NXPH1: variants seen among roughly 807,000 people sequenced by gnomAD.
NXPH1 encodes the protein neurexophilin 1.
In NXPH1, 5 loss-of-function variants were observed where a neutral mutation model predicts 23.7. The ratio of observed to expected loss-of-function variants is 0.21; its 90% CI spans 0.11 to 0.44. NXPH1 has a LOEUF of 0.44. Among genes scored for constraint, NXPH1 ranks in the 20% least tolerant of loss-of-function variants. The pLI, the probability that NXPH1 is intolerant of heterozygous loss-of-function variation, is 0.99. For missense variants in NXPH1, 324 were observed against 321.6 expected, an observed-to-expected ratio of 1.01 and a Z score of -0.06; for synonymous variants, 144 against 122.2, an observed-to-expected ratio of 1.18 and a Z score of -1.18.
intron 2 of NXPH1, among the ~76,000 whole-genome samples, chr7:8,608,770 G>A (rs188764177): frequency 8.3e-4 from 126 of 152,004 alleles, no homozygotes; most frequent in Middle Eastern, 6.8e-3. Context: ...TCCATTTTTC[G>A]TGTGATATGA....
At chr7:8,711,212 A>C (rs1214280760) in intron 2 of NXPH1, among the ~76,000 whole-genome samples, 1 of 152,164 alleles carries the variant, frequency 6.6e-6, no homozygotes, top group Non-Finnish European at 1.5e-5. Context: ...CTTTACGGAC[A>C]TACTTATTTT....
chr7:8,620,885 G>A (rs1819853486), intron 2 of NXPH1, among the ~76,000 whole-genome samples: 1 of 152,136 alleles, frequency 6.6e-6, no homozygotes, highest in South Asian at 2.1e-4. Context: ...CTTCCAGGTT[G>A]TATGTTTTTC....
chr7:8,545,677 G>T (rs1818187937), intron 2 of NXPH1, among the ~76,000 whole-genome samples: 1 of 151,492 alleles, frequency 6.6e-6, no homozygotes, highest in Non-Finnish European at 1.5e-5. Flanking sequence ...GAAATACTCA[G>T]CTTTATAATA....
At chr7:8,458,489 C>T (rs1816637990) in intron 2 of NXPH1, among the ~76,000 whole-genome samples, 1 of 152,154 alleles carries the variant, frequency 6.6e-6, no homozygotes, top group Non-Finnish European at 1.5e-5. Context: ...TTTACTTCAT[C>T]CCCTCATCCT....
chr7:8,613,207 A>G (rs1394765197), intron 2 of NXPH1, among the ~76,000 whole-genome samples: 1 of 151,870 alleles, frequency 6.6e-6, no homozygotes, highest in Non-Finnish European at 1.5e-5. Flanking sequence ...AATTTCAATA[A>G]TTATAGTCAT....
intron 2 of NXPH1, among the ~76,000 whole-genome samples, chr7:8,470,942 G>C (rs186733185): frequency 6.6e-6 from 1 of 151,996 alleles, no homozygotes; most frequent in Non-Finnish European, 1.5e-5. Flanking sequence ...AAATTCTATG[G>C]TTCAGAGAGG....
intron 2 of NXPH1, among the ~76,000 whole-genome samples, chr7:8,717,289 T>G (rs778278448): frequency 6.6e-6 from 1 of 152,170 alleles, no homozygotes; most frequent in Non-Finnish European, 1.5e-5. Context: ...AGAGTGGTAT[T>G]TTGGTCACTG....
At chr7:8,644,903 A>G (rs1820371340) in intron 2 of NXPH1, among the ~76,000 whole-genome samples, 1 of 152,100 alleles carries the variant, frequency 6.6e-6, no homozygotes, top group Admixed American at 6.6e-5. Context: ...TATATGGTTT[A>G]GTTTTGCATA....
At chr7:8,699,735 T>C (rs11536481) in intron 2 of NXPH1, among the ~76,000 whole-genome samples, 22,951 of 152,094 alleles carry the variant, frequency 0.15, 2,004 homozygotes, top group Middle Eastern at 0.26. Context: ...CCACTTTGCA[T>C]TGGAAATTGA....
intron 2 of NXPH1, among the ~76,000 whole-genome samples, chr7:8,589,810 T>C (rs1471219108): frequency 6.6e-6 from 1 of 151,940 alleles, no homozygotes; most frequent in African/African-American, 2.4e-5. Context: ...ATAGCCACCA[T>C]CCAGTAGATA....
intron 2 of NXPH1, among the ~76,000 whole-genome samples, chr7:8,453,686 A>T (rs1021781575): frequency 6.6e-6 from 1 of 152,056 alleles, no homozygotes; most frequent in African/African-American, 2.4e-5. Flanking sequence ...TGGTTTTAAG[A>T]TATTTGTTGG....
intron 2 of NXPH1, among the ~76,000 whole-genome samples, chr7:8,725,176 C>T (rs1348442091): frequency 6.6e-6 from 1 of 152,148 alleles, no homozygotes; most frequent in Non-Finnish European, 1.5e-5. Flanking sequence ...TGAGTTGTAT[C>T]TTCCCTGAGC....
chr7:8,488,000 G>C (rs529460619), intron 2 of NXPH1, among the ~76,000 whole-genome samples: 1 of 152,132 alleles, frequency 6.6e-6, no homozygotes, highest in African/African-American at 2.4e-5. Context: ...GTCATCAGTT[G>C]TAACTTGGCA....
intron 2 of NXPH1, among the ~76,000 whole-genome samples, chr7:8,619,098 G>A (rs1819808245): frequency 1.3e-5 from 2 of 152,174 alleles, no homozygotes; most frequent in South Asian, 4.1e-4. Flanking sequence ...AGGAAGTTGA[G>A]AACTTGAGCT....
Position 8,434,102 on chromosome 7 carries a change from G to A in NXPH1, c.-764G>A, listed in dbSNP as rs1350219302. ...CAGGGACAGCGCCCGGGACTCCACTGGGGACCGGCTCCTGGGCTTCCCAGC... is the reference window on the plus strand; with the variant it reads ...CAGGGACAGCGCCCGGGACTCCACTAGGGACCGGCTCCTGGGCTTCCCAGC... On this transcript the variant is annotated 5_prime_UTR_variant, in exon 1 of 3. Coordinates refer to ENST00000405863, the MANE Select transcript of NXPH1 (RefSeq NM_152745.3). The surrounding 1 kb of genome is among the most constrained non-coding windows in gnomAD (Gnocchi z 7.6). 1 of 152,256 alleles carries A rather than the reference G, an allele frequency of 6.6e-6. No homozygotes were observed. The highest frequency in any genetic ancestry group is 1.5e-5 in the Non-Finnish European group (1 of 68,080). The allele number at this position is 152,256 out of a possible 1,614,324, so 9.4% of individuals were successfully genotyped here. A position where few individuals can be genotyped will look rare whatever the true frequency, so the allele number is the denominator to read the frequency against.
intron 2 of NXPH1, among the ~76,000 whole-genome samples, chr7:8,547,869 T>C (rs1229052278): frequency 6.6e-6 from 1 of 151,550 alleles, no homozygotes; most frequent in Non-Finnish European, 1.5e-5. Context: ...GGTATATATA[T>C]GAATTTATCC....
intron 2 of NXPH1, among the ~76,000 whole-genome samples, chr7:8,579,301 A>G (rs542577906): frequency 1.3e-3 from 203 of 152,194 alleles, no homozygotes; most frequent in Middle Eastern, 3.4e-3. Flanking sequence ...ATTATAACTC[A>G]TTTGTGGTAG....
At chr7:8,516,824 A>C (rs1247374688) in intron 2 of NXPH1, among the ~76,000 whole-genome samples, 1 of 152,136 alleles carries the variant, frequency 6.6e-6, no homozygotes, top group Non-Finnish European at 1.5e-5. Context: ...CAACAAAATC[A>C]TGAACGACTA....
At chr7:8,485,373 TAGC>T (rs1467491938) in intron 2 of NXPH1, among the ~76,000 whole-genome samples, 5 of 152,166 alleles carry the variant, frequency 3.3e-5, no homozygotes, top group African/African-American at 1.2e-4. Context: ...ATGTCTTTAT[TAGC>T]AGCACGAGAA....
Sources: gnomAD v4.1 joint callset for allele counts (sites outside exome capture counted in the v4.1 genomes callset) on GRCh38, gnomAD v4.1.1 for gene constraint, Gnocchi (gnomAD v3.1) non-coding constraint, MANE v1.5 for transcripts, NCBI Gene and HGNC (gene_info 2026-07-23, HGNC 2026-07-21) for gene names.